MAPKAPK2: variants seen among roughly 807,000 people sequenced by gnomAD.
MAPKAPK2 encodes the protein MAPK activated protein kinase 2, also known as MAP kinase-activated protein kinase 2.
A neutral mutation model predicts 48.8 loss-of-function variants in MAPKAPK2; 9 were observed. The ratio of observed to expected loss-of-function variants is 0.18; its 90% CI spans 0.11 to 0.32. The LOEUF (loss-of-function observed/expected upper bound fraction) is 0.32. Among genes scored for constraint, MAPKAPK2 ranks in the 10% least tolerant of loss-of-function variants. The pLI, the probability that MAPKAPK2 is intolerant of heterozygous loss-of-function variation, is 1.00. For synonymous variants in MAPKAPK2, 202 were observed against 190.6 expected (o/e 1.06, Z -0.49); for missense variants, 331 against 498.3 (o/e 0.66, Z 3.20).
rs1291562590 is a variant in MAPKAPK2, at chr1:206,734,280, T to G, written c.*1562T>G. On this transcript the variant is annotated 3_prime_UTR_variant, in exon 10 of 10. Transcript: ENST00000367103. ...TGTCTTTACTAAACAGATTTAATAG[T>G]TGAGAGTTTTTCTTTCTCTTTCTTC... is the stretch of plus-strand genomic sequence containing the variant. 6.5e-6 allele frequency: 1 copy of G among 152,882 alleles called. No homozygotes were observed. Among genetic ancestry groups the G allele is most frequent in the African/African-American group, 2.4e-5 (1 of 41,460 alleles). The allele number at this position is 152,882 out of a possible 1,614,324, so 9.5% of individuals were successfully genotyped here.
At chr1:206,725,268 G>A (rs1399857668) in intron 1 of MAPKAPK2, among the ~76,000 whole-genome samples, 1 of 152,226 alleles carries the variant, frequency 6.6e-6, no homozygotes, top group Non-Finnish European at 1.5e-5. Context: ...TAAGGAGCAT[G>A]CATTTAGATT....
intron 1 of MAPKAPK2, among the ~76,000 whole-genome samples, chr1:206,705,959 A>G (rs1553428511): frequency 1.3e-5 from 2 of 152,112 alleles, no homozygotes; most frequent in East Asian, 1.9e-4. Flanking sequence ...GCAGGCCTCA[A>G]CACCCTTCTG....
rs1372129149 is a variant in MAPKAPK2 at position 206,723,230 on chromosome 1, TTAA to T, written c.280-5476_280-5474del. On this transcript the variant is annotated intron_variant, in intron 1 of 9. Transcript: ENST00000367103. ...CCCGTCTGTCCAGTGCCCAGAGCTA[TTAA>T]TAACACCTTCATTGAAATGGGTGTA... 2.0e-5 allele frequency among the ~76,000 whole-genome samples: 3 copies of T among 152,306 alleles called. No homozygotes were observed. In the East Asian group the frequency reaches 5.8e-4, roughly 29 times the overall value.
chr1:206,689,226 C>T (rs1572474572), intron 1 of MAPKAPK2, among the ~76,000 whole-genome samples: 1 of 152,220 alleles, frequency 6.6e-6, no homozygotes, highest in Non-Finnish European at 1.5e-5. Flanking sequence ...CTTTTCCTTT[C>T]CTTTCTCCAG....
chr1:206,700,504 A>G (rs1553427763), intron 1 of MAPKAPK2, among the ~76,000 whole-genome samples: 1 of 152,166 alleles, frequency 6.6e-6, no homozygotes, highest in Non-Finnish European at 1.5e-5. Context: ...GTCTGTGTCA[A>G]GGCAGATGCT....
intron 1 of MAPKAPK2, among the ~76,000 whole-genome samples, chr1:206,727,187 T>C (rs1673726429): frequency 6.6e-6 from 1 of 152,240 alleles, no homozygotes; most frequent in Non-Finnish European, 1.5e-5. Context: ...GCACCTGCGC[T>C]TGCACTTAGA....
rs1044830189 is a variant in MAPKAPK2 at position 206,731,458 on chromosome 1, C to T, written c.893-182C>T. 3.2e-5 allele frequency: 38 copies of T among 1,175,314 alleles called. No individual in the cohort carries two copies. The highest frequency in any genetic ancestry group is 4.2e-5 in the Non-Finnish European group (35 of 824,422). The allele number at this position is 1,175,314 out of a possible 1,614,324, so 72.8% of individuals were successfully genotyped here. On this transcript the variant is annotated intron_variant, in intron 7 of 9. Coordinates refer to ENST00000367103, the MANE Select transcript of MAPKAPK2 (RefSeq NM_032960.4). This position sits in a 1 kb window ranked among gnomAD's most constrained non-coding sequence, Gnocchi z 5.9. Reference sequence around the variant, plus strand: ...TGGAGGGCTGGAGGCAGGGCCAAGGCTGTGGGGCTGTGCAGGGCCTCTCAA... The same window carrying T: ...TGGAGGGCTGGAGGCAGGGCCAAGGTTGTGGGGCTGTGCAGGGCCTCTCAA...
intron 1 of MAPKAPK2, among the ~76,000 whole-genome samples, chr1:206,708,849 A>G (rs1673047019): frequency 1.3e-5 from 2 of 152,182 alleles, no homozygotes. Context: ...CTTTTTCTGG[A>G]ACCTCATATA....
At chr1:206,688,799 T>C (rs2102371293) in intron 1 of MAPKAPK2, among the ~76,000 whole-genome samples, 1 of 152,232 alleles carries the variant, frequency 6.6e-6, no homozygotes, top group South Asian at 2.1e-4. Context: ...CATGCCCGGC[T>C]AATTTTTTGT....
intron 1 of MAPKAPK2, chr1:206,696,367 T>G (rs1553427070): frequency 1.5e-6 from 1 of 676,112 alleles, no homozygotes; most frequent in Non-Finnish European, 2.7e-6. Context: ...ATCTTCATTA[T>G]TTTTGTGTCC....
At chr1:206,699,370 AG>A (rs1672729410) in intron 1 of MAPKAPK2, among the ~76,000 whole-genome samples, 1 of 152,212 alleles carries the variant, frequency 6.6e-6, no homozygotes, top group East Asian at 1.9e-4. Flanking sequence ...GCATGGGCAG[AG>A]GATACTTCAT....
chr1:206,730,663 A>C, intron 5 of MAPKAPK2, 25 bp from the exon 6 acceptor site: 1 of 1,605,908 alleles, frequency 6.2e-7, no homozygotes, highest in Non-Finnish European at 8.5e-7. Context: ...GGGCCGGCCC[A>C]CCCATGTTGA....
In MAPKAPK2 at chr1:206,731,204, C is replaced by A; in HGVS notation, c.834C>A (p.Arg278=). The change falls in exon 7 of 10, where the codon CGC becomes CGA. Residue 278 remains arginine, a synonymous_variant. Coordinates refer to ENST00000367103, the MANE Select transcript of MAPKAPK2 (RefSeq NM_032960.4). This position sits in a 1 kb window ranked among gnomAD's most constrained non-coding sequence, Gnocchi z 5.9. ...GLAISPGMKT[R]IRMGQYEFPN... ...CCATCTCTCCGGGCATGAAGACTCG[C>A]ATCCGAATGGGCCAGTATGAATTTC... is the stretch of plus-strand genomic sequence containing the variant. 1 of 1,614,216 alleles carries A rather than the reference C, an allele frequency of 6.2e-7. No homozygotes were observed. Among genetic ancestry groups the A allele is most frequent in the Non-Finnish European group, 8.5e-7 (1 of 1,180,044 alleles).
At chr1:206,727,573 A>G (rs1173635477) in intron 1 of MAPKAPK2, among the ~76,000 whole-genome samples, 2 of 152,098 alleles carry the variant, frequency 1.3e-5, no homozygotes, top group Non-Finnish European at 2.9e-5. Flanking sequence ...TGCCATATGC[A>G]GGAGAGATGA....
chr1:206,705,871 C>T (rs1553428499), intron 1 of MAPKAPK2, among the ~76,000 whole-genome samples: 1 of 152,162 alleles, frequency 6.6e-6, no homozygotes, highest in African/African-American at 2.4e-5. Flanking sequence ...ATGGCCGACT[C>T]CTGAGAAATG....
intron 1 of MAPKAPK2, among the ~76,000 whole-genome samples, chr1:206,691,504 T>TATATATATATATATATATATACATATAC (rs1424297313): frequency 7.1e-5 from 8 of 112,148 alleles, no homozygotes; most frequent in Non-Finnish European, 1.6e-4. Flanking sequence ...TATATATATA[T>TATATATATATATATATATATACATATAC]ACACACATAC....
At chr1:206,722,929 G>C (rs1471388755) in intron 1 of MAPKAPK2, among the ~76,000 whole-genome samples, 1 of 152,250 alleles carries the variant, frequency 6.6e-6, no homozygotes, top group Non-Finnish European at 1.5e-5. Context: ...GGCACGGTGG[G>C]TTAGTGTGTG....
intron 1 of MAPKAPK2, among the ~76,000 whole-genome samples, chr1:206,689,506 T>G (rs1259307483): frequency 6.6e-6 from 1 of 152,214 alleles, no homozygotes; most frequent in Middle Eastern, 3.2e-3. Context: ...TTAGGAAAAT[T>G]TCATTGACCA....
chr1:206,725,539 T>G (rs1673677301), intron 1 of MAPKAPK2, among the ~76,000 whole-genome samples: 1 of 152,144 alleles, frequency 6.6e-6, no homozygotes, highest in Non-Finnish European at 1.5e-5. Context: ...CTCATAATGT[T>G]TCTATGAGGG....
Sources: gnomAD v4.1 joint callset for allele counts (sites outside exome capture counted in the v4.1 genomes callset) on GRCh38, gnomAD v4.1.1 for gene constraint, Gnocchi (gnomAD v3.1) non-coding constraint, MANE v1.5 for transcripts, NCBI Gene and HGNC (gene_info 2026-07-23, HGNC 2026-07-21) for gene names.